CACNB2: variants seen among roughly 807,000 people sequenced by gnomAD.
CACNB2 encodes voltage-dependent L-type calcium channel subunit beta-2.
CACNB2 carries 42 observed loss-of-function variants against 73.3 expected under a neutral mutation model. The observed-to-expected ratio is 0.57, with a 90% CI of 0.45 to 0.74. The LOEUF is 0.74. CACNB2 is among the 30% of genes least tolerant of loss of function. The pLI, the probability that CACNB2 is intolerant of heterozygous loss-of-function variation, is 0.00. For missense variants in CACNB2, 940 were observed against 853.0 expected, an observed-to-expected ratio of 1.10 and a Z score of -1.27; for synonymous variants, 348 against 310.3, an observed-to-expected ratio of 1.12 and a Z score of -1.28.
chr10:18,272,764 G>T (rs1244191925), intron 2 of CACNB2, among the ~76,000 whole-genome samples: 1 of 152,180 alleles, frequency 6.6e-6, no homozygotes, highest in Non-Finnish European at 1.5e-5. Flanking sequence ...TGATTGTGAG[G>T]CCTCCGCAGC....
At chr10:18,534,265 T>G in intron 11 of CACNB2, 38 bp downstream of exon 11, 1 of 1,539,708 alleles carries the variant, frequency 6.5e-7, no homozygotes, top group Non-Finnish European at 9.0e-7. Context: ...ATAATCAAAC[T>G]TTCCTAAAAT....
chr10:18,277,836 T>G (rs1026759335), intron 2 of CACNB2, among the ~76,000 whole-genome samples: 1 of 152,230 alleles, frequency 6.6e-6, no homozygotes, highest in Admixed American at 6.5e-5. Flanking sequence ...ATTTTTTTCT[T>G]TTTTAAAAAA....
rs11013671 is a variant in CACNB2, at chr10:18,335,236, T to A, written c.214-66688T>A. Among the ~76,000 whole-genome samples, 1,265 of 152,310 alleles carry A rather than the reference T, an allele frequency of 8.3e-3. 20 individuals carry two copies. The highest frequency in any genetic ancestry group is 0.029 in the African/African-American group (1,195 of 41,562). The stretch of plus-strand genomic sequence containing the variant: ...GCAAGTGACCAAATTGTCTTGGATT[T>A]CTTATTTCTTCTGGTGTCAGGCATG... On this transcript the variant is annotated intron_variant, in intron 2 of 13. Coordinates refer to ENST00000324631, the MANE Select transcript of CACNB2 (RefSeq NM_201596.3).
At chr10:18,275,648 T>C (rs1331988243) in intron 2 of CACNB2, among the ~76,000 whole-genome samples, 1 of 152,126 alleles carries the variant, frequency 6.6e-6, no homozygotes, top group African/African-American at 2.4e-5. Flanking sequence ...ATAAAATTTA[T>C]TTTTCTAAAA....
At chr10:18,467,254 A>G (rs762364350) in intron 3 of CACNB2, among the ~76,000 whole-genome samples, 14 of 152,232 alleles carry the variant, frequency 9.2e-5, no homozygotes, top group Non-Finnish European at 2.1e-4. Flanking sequence ...GAAATAATAA[A>G]TTCACTTTGC....
intron 2 of CACNB2, among the ~76,000 whole-genome samples, chr10:18,228,951 A>C (rs1283553058): frequency 6.6e-6 from 1 of 152,128 alleles, no homozygotes; most frequent in Non-Finnish European, 1.5e-5. Flanking sequence ...CACGTGGGCC[A>C]AGCTGGTCTC....
intron 2 of CACNB2, among the ~76,000 whole-genome samples, chr10:18,311,761 A>G (rs2039974269): frequency 6.6e-6 from 1 of 152,196 alleles, no homozygotes; most frequent in South Asian, 2.1e-4. Flanking sequence ...ATCTTCATAC[A>G]TAAGTGGACC....
At chr10:18,451,322 G>T (rs2047011477) in intron 3 of CACNB2, among the ~76,000 whole-genome samples, 1 of 152,196 alleles carries the variant, frequency 6.6e-6, no homozygotes, top group African/African-American at 2.4e-5. Context: ...AAGAGATTTA[G>T]AAGCATAGTG....
chr10:18,147,384 G>GT (rs756091705), intron 1 of CACNB2, among the ~76,000 whole-genome samples: 39 of 149,748 alleles, frequency 2.6e-4, no homozygotes, highest in Admixed American at 4.7e-4. Flanking sequence ...AAATATAAGA[G>GT]TTTTTTTTTT....
rs115602110 is a variant in CACNB2 at position 18,141,143 on chromosome 10, C to T, written c.120+287C>T. On this transcript the variant is annotated intron_variant, in intron 1 of 13. Coordinates refer to ENST00000324631, the MANE Select transcript of CACNB2 (RefSeq NM_201596.3). ...TTCTCCCGGGTTGCTCCAGCTGGCC[C>T]TCCTCGCCCCTTCCCGGGAGAGGCA... is the stretch of plus-strand genomic sequence containing the variant. 1.0e-3 allele frequency: 1,606 copies of T among 1,550,252 alleles called. 15 individuals carry two copies. In the African/African-American group the frequency reaches 0.02, roughly 19 times the overall value.
chr10:18,180,594 G>A (rs1234164133), intron 2 of CACNB2, among the ~76,000 whole-genome samples: 3 of 152,078 alleles, frequency 2.0e-5, no homozygotes, highest in African/African-American at 4.8e-5. Context: ...GGGCAGTTAC[G>A]AGGATTAGGG....
At chr10:18,328,260 A>G (rs1241060071) in intron 2 of CACNB2, among the ~76,000 whole-genome samples, 1 of 152,214 alleles carries the variant, frequency 6.6e-6, no homozygotes, top group Non-Finnish European at 1.5e-5. Context: ...CATCTGGGGA[A>G]CTTTAAAAAA....
At chr10:18,452,288 C>T (rs934829677) in intron 3 of CACNB2, among the ~76,000 whole-genome samples, 1 of 151,934 alleles carries the variant, frequency 6.6e-6, no homozygotes, top group African/African-American at 2.4e-5. Context: ...AATGGGCCCA[C>T]GTGGTGGGGC....
intron 3 of CACNB2, among the ~76,000 whole-genome samples, chr10:18,445,774 C>T (rs957077301): frequency 6.6e-6 from 1 of 152,156 alleles, no homozygotes; most frequent in African/African-American, 2.4e-5. Flanking sequence ...TGGCTCACGC[C>T]TGTAATCCCA....
chr10:18,144,887 G>A (rs2030801323), intron 1 of CACNB2, among the ~76,000 whole-genome samples: 1 of 152,204 alleles, frequency 6.6e-6, no homozygotes. Context: ...CAACATTAAA[G>A]TATGAAACTG....
intron 2 of CACNB2, among the ~76,000 whole-genome samples, chr10:18,379,780 A>C (rs2042939630): frequency 1.3e-5 from 2 of 152,140 alleles, no homozygotes; most frequent in African/African-American, 4.8e-5. Context: ...TCAACCTCCC[A>C]GTCTCAAACG....
At chr10:18,427,471 A>T (rs2045666734) in intron 3 of CACNB2, among the ~76,000 whole-genome samples, 1 of 152,102 alleles carries the variant, frequency 6.6e-6, no homozygotes, top group Non-Finnish European at 1.5e-5. Flanking sequence ...AAGCGATTTG[A>T]CACTGAAGCT....
chr10:18,297,752 A>G (rs1046977807), intron 2 of CACNB2, among the ~76,000 whole-genome samples: 5 of 152,116 alleles, frequency 3.3e-5, no homozygotes, highest in Non-Finnish European at 5.9e-5. Flanking sequence ...CTGGTGGAAC[A>G]TCTCTCTTCC....
At chr10:18,183,619 G>T (rs1055758883) in intron 2 of CACNB2, among the ~76,000 whole-genome samples, 12 of 152,124 alleles carry the variant, frequency 7.9e-5, no homozygotes, top group Non-Finnish European at 7.3e-5. Context: ...TCAGTGTCAT[G>T]AGAACAGCAT....
Sources: allele counts gnomAD v4.1 joint callset (sites outside exome capture counted in the v4.1 genomes callset), GRCh38; gene constraint gnomAD v4.1.1; transcripts MANE v1.5; gene names NCBI Gene and HGNC (gene_info 2026-07-23, HGNC 2026-07-21).